ITGBL1: variants seen among roughly 807,000 people sequenced by gnomAD.
ITGBL1 encodes the protein integrin subunit beta like 1.
In ITGBL1, 51 loss-of-function variants were observed where a neutral mutation model predicts 68.5. The observed-to-expected ratio is 0.74, with a 90% CI of 0.59 to 0.94. ITGBL1 has a LOEUF of 0.94. Ranked by LOEUF, ITGBL1 falls within the 40% of genes least tolerant of loss-of-function variation. The probability of loss-of-function intolerance (pLI) is 0.00; values close to 1 mark genes in which losing one functional copy is unlikely to be tolerated. For missense variants in ITGBL1, 649 were observed against 647.4 expected (o/e 1.00, Z -0.03); for synonymous variants, 209 against 227.3 (o/e 0.92, Z 0.72).
chr13:101,626,964 G>A (rs998337739), intron 7 of ITGBL1, among the ~76,000 whole-genome samples: 2 of 152,164 alleles, frequency 1.3e-5, no homozygotes, highest in African/African-American at 4.8e-5. Flanking sequence ...CAGAAGATCT[G>A]AGTGAAATCC....
intron 2 of ITGBL1, among the ~76,000 whole-genome samples, chr13:101,503,129 T>C (rs2048971471): frequency 6.6e-6 from 1 of 152,224 alleles, no homozygotes; most frequent in Non-Finnish European, 1.5e-5. Flanking sequence ...TATGGGGTAA[T>C]CAATTTTAAA....
intron 2 of ITGBL1, among the ~76,000 whole-genome samples, chr13:101,544,085 G>A (rs1302400145): frequency 1.3e-5 from 2 of 152,172 alleles, no homozygotes; most frequent in Non-Finnish European, 2.9e-5. Context: ...GCTTTGTTCT[G>A]TTGCTGGTGA....
intron 8 of ITGBL1, among the ~76,000 whole-genome samples, chr13:101,693,519 G>C (rs2033928654): frequency 6.6e-6 from 1 of 152,122 alleles, no homozygotes; most frequent in Non-Finnish European, 1.5e-5. Context: ...TTGGAGGGTG[G>C]AGGGTGGGTT....
At chr13:101,657,897 C>T (rs1176162302) in intron 7 of ITGBL1, among the ~76,000 whole-genome samples, 1 of 152,166 alleles carries the variant, frequency 6.6e-6, no homozygotes, top group Non-Finnish European at 1.5e-5. Flanking sequence ...CACAGCTCTT[C>T]TTATCCTTTG....
At chr13:101,566,037 A>G (rs533828907) in intron 2 of ITGBL1, among the ~76,000 whole-genome samples, 6 of 152,228 alleles carry the variant, frequency 3.9e-5, no homozygotes, top group African/African-American at 1.4e-4. Flanking sequence ...GTCCTATTTA[A>G]TATAAAATTT....
chr13:101,544,460 C>T (rs1025008105), intron 2 of ITGBL1, among the ~76,000 whole-genome samples: 2 of 152,166 alleles, frequency 1.3e-5, no homozygotes, highest in African/African-American at 4.8e-5. Context: ...TCAGTCTGCC[C>T]CTACTAGGGG....
Position 101,588,083 on chromosome 13 carries a change from A to T in ITGBL1, c.868+4727A>T, listed in dbSNP as rs2139300753. 2.0e-5 allele frequency among the ~76,000 whole-genome samples: 3 copies of T among 152,350 alleles called. No individual in the cohort carries two copies. The South Asian group carries it at 6.2e-4, about 32-fold the overall frequency. ...GAGTTTGGATAGCATAACTCCAAAGAACACAATAGTTACAAATAAACAAGA... is the reference window on the plus strand; with the variant it reads ...GAGTTTGGATAGCATAACTCCAAAGTACACAATAGTTACAAATAAACAAGA... On this transcript the variant is annotated intron_variant, in intron 6 of 10. Transcript: ENST00000376180.
chr13:101,666,162 C>G (rs1030970461), intron 7 of ITGBL1, among the ~76,000 whole-genome samples: 2 of 152,078 alleles, frequency 1.3e-5, no homozygotes, highest in African/African-American at 2.4e-5. Flanking sequence ...CTGACATAAT[C>G]TGGTATCAAG....
chr13:101,611,499 T>C (rs1335991741), intron 7 of ITGBL1, among the ~76,000 whole-genome samples: 7 of 152,320 alleles, frequency 4.6e-5, no homozygotes, highest in East Asian at 3.9e-4. Flanking sequence ...GATTTGTATT[T>C]TGAGAATGAG....
intron 7 of ITGBL1, among the ~76,000 whole-genome samples, chr13:101,680,178 A>G (rs9585754): frequency 5.3e-5 from 8 of 152,204 alleles, no homozygotes; most frequent in African/African-American, 1.9e-4. Context: ...CTTAGCTGAA[A>G]TGGCACAGAA....
intron 2 of ITGBL1, among the ~76,000 whole-genome samples, chr13:101,498,755 AT>A (rs1218324271): frequency 6.6e-6 from 1 of 151,986 alleles, no homozygotes; most frequent in Non-Finnish European, 1.5e-5. Context: ...GCAGATGGGG[AT>A]TTTACCTAGG....
chr13:101,495,821 G>T (rs1351117338), intron 2 of ITGBL1, among the ~76,000 whole-genome samples: 1 of 152,090 alleles, frequency 6.6e-6, no homozygotes, highest in Non-Finnish European at 1.5e-5. Flanking sequence ...TTGTGTAGGT[G>T]TATTTACAGT....
At chr13:101,567,169 A>T (rs1442980501) in intron 2 of ITGBL1, among the ~76,000 whole-genome samples, 2 of 152,164 alleles carry the variant, frequency 1.3e-5, no homozygotes, top group Non-Finnish European at 2.9e-5. Context: ...TGAATATGAA[A>T]CAAAATATAT....
intron 6 of ITGBL1, among the ~76,000 whole-genome samples, chr13:101,595,713 T>C (rs530107664): frequency 1.3e-5 from 2 of 152,240 alleles, no homozygotes; most frequent in African/African-American, 4.8e-5. Context: ...TTGGCAGGGT[T>C]GTGGAGAAAA....
chr13:101,472,509 A>G (rs1315801924), intron 2 of ITGBL1, among the ~76,000 whole-genome samples: 1 of 152,220 alleles, frequency 6.6e-6, no homozygotes, highest in Non-Finnish European at 1.5e-5. Flanking sequence ...GAGAACTTCA[A>G]GAGTATTGGA....
chr13:101,562,167 T>G (rs559721435), intron 2 of ITGBL1, among the ~76,000 whole-genome samples: 2 of 152,200 alleles, frequency 1.3e-5, no homozygotes, highest in East Asian at 3.9e-4. Context: ...GTTAAAGATA[T>G]ATAATGTATA....
chr13:101,593,002 G>T (rs2050681322), intron 6 of ITGBL1, among the ~76,000 whole-genome samples: 2 of 151,982 alleles, frequency 1.3e-5, no homozygotes, highest in Non-Finnish European at 2.9e-5. Context: ...GGAGAAAATA[G>T]TTGCAAACTA....
intron 7 of ITGBL1, among the ~76,000 whole-genome samples, chr13:101,633,982 A>G (rs1000585434): frequency 6.7e-6 from 1 of 150,372 alleles, no homozygotes; most frequent in Non-Finnish European, 1.5e-5. Context: ...GTGATGATGC[A>G]TAAAATTATG....
intron 7 of ITGBL1, among the ~76,000 whole-genome samples, chr13:101,673,701 C>T (rs1393452368): frequency 1.3e-5 from 2 of 152,070 alleles, no homozygotes; most frequent in Non-Finnish European, 2.9e-5. Context: ...AAACTTTGTA[C>T]TTATTGCTTG....
Sources: gnomAD v4.1 joint callset for allele counts (sites outside exome capture counted in the v4.1 genomes callset) on GRCh38, gnomAD v4.1.1 for gene constraint, MANE v1.5 for transcripts, NCBI Gene and HGNC (gene_info 2026-07-23, HGNC 2026-07-21) for gene names.